Variants in DDX24 observed in about 807,000 individuals in gnomAD.
DDX24 encodes the protein DEAD-box helicase 24, also known as ATP-dependent RNA helicase DDX24.
DDX24 carries 24 observed loss-of-function variants against 68.9 expected under a neutral mutation model. The observed-to-expected ratio is 0.35, with a 90% CI of 0.25 to 0.49. The LOEUF is 0.49. Ranked by LOEUF, DDX24 falls within the 20% of genes least tolerant of loss-of-function variation. The pLI is 0.99. For missense variants in DDX24, 989 were observed against 1,039.0 expected, an observed-to-expected ratio of 0.95 and a Z score of 0.66; for synonymous variants, 395 against 385.2, an observed-to-expected ratio of 1.03 and a Z score of -0.30.
At chr14:94,052,493 G>C (rs1328714497) in intron 8 of DDX24, among the ~76,000 whole-genome samples, 1 of 152,230 alleles carries the variant, frequency 6.6e-6, no homozygotes, top group East Asian at 1.9e-4. Context: ...CAGCTTGGAA[G>C]GCAGGTGTAG....
At chr14:94,070,042 G>A (rs935131380) in intron 2 of DDX24, among the ~76,000 whole-genome samples, 1 of 151,972 alleles carries the variant, frequency 6.6e-6, no homozygotes, top group Non-Finnish European at 1.5e-5. Context: ...AAAAATAAAG[G>A]GCATCCAAAT....
At chr14:94,052,944 A>G (rs764666715) in intron 8 of DDX24, 54 bp downstream of exon 8, 47 of 1,567,420 alleles carry the variant, frequency 3.0e-5, no homozygotes, top group Non-Finnish European at 4.0e-5. Flanking sequence ...CAACAAAGCA[A>G]AAGTTAAAGA....
At chr14:94,076,901 C>G (rs1010967064) in intron 2 of DDX24, among the ~76,000 whole-genome samples, 4 of 152,124 alleles carry the variant, frequency 2.6e-5, no homozygotes, top group Admixed American at 2.0e-4. Context: ...TCCACCTCAG[C>G]CACCCTGAGA....
intron 2 of DDX24, among the ~76,000 whole-genome samples, chr14:94,065,193 C>T (rs1200059005): frequency 6.6e-6 from 1 of 152,030 alleles, no homozygotes; most frequent in Non-Finnish European, 1.5e-5. Flanking sequence ...GGACTACAGG[C>T]ATCTGCCACC....
At chr14:94,069,478 G>A (rs1045418458) in intron 2 of DDX24, among the ~76,000 whole-genome samples, 6 of 152,022 alleles carry the variant, frequency 3.9e-5, no homozygotes, top group African/African-American at 7.2e-5. Flanking sequence ...TCTACGAGAT[G>A]GAGAAAGAAG....
In DDX24 at chr14:94,049,894, C is replaced by CA. The variant is rs201491987; in HGVS notation, c.*1296dup. 327 of 133,500 alleles carry CA rather than the reference C, an allele frequency of 2.4e-3. 1 individual carries two copies. The highest frequency in any genetic ancestry group is 0.012 in the South Asian group (52 of 4,192). 8.3% of individuals were successfully genotyped at this position (133,500 alleles called of 1,614,324 possible). A position where few individuals can be genotyped will look rare whatever the true frequency, so the allele number is the denominator to read the frequency against. The stretch of plus-strand genomic sequence containing the variant: ...TGGGCAATGGAGCAAGACCCTGTCT[C>CA]AAAAAAAAAAGAAAATTATTTCTCA... On this transcript the variant is annotated 3_prime_UTR_variant, in exon 9 of 9. Transcript: ENST00000621632.
chr14:94,063,200 T>C (rs1885632472), intron 2 of DDX24, among the ~76,000 whole-genome samples: 1 of 152,042 alleles, frequency 6.6e-6, no homozygotes, highest in African/African-American at 2.4e-5. Flanking sequence ...GGAGAAACCA[T>C]TACCATACAT....
intron 5 of DDX24, among the ~76,000 whole-genome samples, chr14:94,058,553 T>A (rs558238121): frequency 6.6e-6 from 1 of 152,358 alleles, no homozygotes; most frequent in East Asian, 1.9e-4. Flanking sequence ...GACTTTGCAT[T>A]ACTCACTGCT....
At chr14:94,077,641 T>G (rs1002208595) in intron 2 of DDX24, among the ~76,000 whole-genome samples, 3 of 152,184 alleles carry the variant, frequency 2.0e-5, no homozygotes, top group African/African-American at 4.8e-5. Context: ...CTTAACACAG[T>G]GCATGACACA....
intron 2 of DDX24, among the ~76,000 whole-genome samples, chr14:94,071,718 G>A (rs1034872275): frequency 3.9e-5 from 6 of 152,094 alleles, no homozygotes; most frequent in African/African-American, 1.4e-4. Context: ...GGCCGAGATG[G>A]GCGGATCACC....
rs527973155 is a variant in DDX24 at position 94,067,058 on chromosome 14, A to G, written c.719-4437T>C. Among the ~76,000 whole-genome samples the G allele has an allele frequency of 1.5e-4, 23 of 152,348 alleles. 1 individual carries two copies. The highest frequency in any genetic ancestry group is 3.9e-4 in the East Asian group (2 of 5,188). The stretch of plus-strand genomic sequence containing the variant: ...AGCTAATCAGGGAGGGACCAGAGAA[A>G]GATAAAGTCTCAATGCAAGGAAATC... On this transcript the variant is annotated intron_variant, in intron 2 of 8. Coordinates refer to ENST00000621632, the MANE Select transcript of DDX24 (RefSeq NM_020414.4).
chr14:94,064,761 A>G (rs1413615953), intron 2 of DDX24, among the ~76,000 whole-genome samples: 4 of 152,222 alleles, frequency 2.6e-5, no homozygotes, highest in Non-Finnish European at 5.9e-5. Flanking sequence ...TGTTTCCCTG[A>G]ATTCTGTCAG....
rs1114 is a variant in DDX24, at chr14:94,048,804, G to A, written c.*2387C>T. On this transcript the variant is annotated 3_prime_UTR_variant, in exon 9 of 9. Transcript: ENST00000621632. ...ACCACCCTGAGCAGATACAGGAGTG[G>A]GGAGGGGGCTGTAACTCAGTGAGTG... The A allele has an allele frequency of 0.13, 19,328 of 152,272 alleles. 1,608 individuals are homozygous for A. The highest frequency in any genetic ancestry group is 0.24 in the African/African-American group (9,864 of 41,492). The allele number at this position is 152,272 out of a possible 1,614,324, so 9.4% of individuals were successfully genotyped here.
Position 94,062,499 on chromosome 14 carries a change from C to T in DDX24, c.841G>A (p.Ala281Thr), listed in dbSNP as rs1486975316. 6.2e-7 allele frequency: 1 copy of T among 1,614,154 alleles called. No homozygotes were observed. The highest frequency in any genetic ancestry group is 1.7e-5 in the Admixed American group (1 of 60,020). The change falls in exon 3 of 9, where the codon GCC (alanine) becomes ACC (threonine). Residue 281 changes from alanine to threonine, a missense_variant. Ala to Thr is a moderately conservative substitution (Grantham distance 58). Transcript: ENST00000621632. Reference protein sequence around the residue: ...EAPPGETRTEAGAETRSPGKA... With the variant: ...EAPPGETRTETGAETRSPGKA... ...CCTGGTGATCTAGTCTCAGCTCCGGCCTCAGTTCTGGTCTCTCCAGGTGGT... is the reference window on the plus strand; with the variant it reads ...CCTGGTGATCTAGTCTCAGCTCCGGTCTCAGTTCTGGTCTCTCCAGGTGGT...
chr14:94,062,337 C>T lies in DDX24; in HGVS notation c.1003G>A (p.Asp335Asn), dbSNP rs368602901. The T allele has an allele frequency of 1.7e-5, 27 of 1,614,234 alleles. No individual in the cohort carries two copies. Among genetic ancestry groups the T allele is most frequent in the African/African-American group, 9.3e-5 (7 of 75,058 alleles). The change falls in exon 3 of 9, where the codon GAT (aspartate) becomes AAT (asparagine). Residue 335 changes from aspartate (D) to asparagine (N), a missense_variant. By Grantham distance (23) the Asp-to-Asn change is conservative. Around this residue, in one of 3 missense-constraint regions of DDX24, gnomAD observed 691 missense variants for 760.0 expected, o/e 0.91. Transcript: ENST00000621632. ...GAAGAAGGCCCTTCACCAGCATCAT[C>T]GTCACCAAAGAGCAACGCCTGGTCT... ...VSDQALLFGD[D>N]DAGEGPSSLI...
Position 94,065,384 on chromosome 14 carries a change from G to GAC in DDX24, c.719-2765_719-2764dup, listed in dbSNP as rs58390384. Among the ~76,000 whole-genome samples, 999 of 147,262 alleles carry GAC rather than the reference G, an allele frequency of 6.8e-3. 8 individuals are homozygous for GAC. The highest frequency in any genetic ancestry group is 0.013 in the East Asian group (67 of 4,990). ...AGATCTTAATAGTATCTCTCTCTCTGACACACACACACACACACACAAATT... is the reference window on the plus strand; with the variant it reads ...AGATCTTAATAGTATCTCTCTCTCTGACACACACACACACACACACACAAATT... On this transcript the variant is annotated intron_variant, in intron 2 of 8. Transcript: ENST00000621632.
intron 2 of DDX24, among the ~76,000 whole-genome samples, chr14:94,065,862 C>T (rs904976470): frequency 6.6e-6 from 1 of 152,172 alleles, no homozygotes; most frequent in African/African-American, 2.4e-5. Flanking sequence ...CGCTGGGTCC[C>T]CAAGCAGCCC....
At position 94,052,981 on chromosome 14, in the gene DDX24, C is replaced by A. The variant is rs777283009; in HGVS notation, c.2308+17G>T. On this transcript the variant is annotated intron_variant, in intron 8 of 8. Transcript: ENST00000621632. ...AGATTTCAACTTCCTCAATTCCCAT[C>A]CCGCCCAAGGGCTTACCCTTATACA... The A allele has an allele frequency of 1.3e-6, 2 of 1,593,068 alleles. No homozygotes were observed. Among genetic ancestry groups the A allele is most frequent in the Non-Finnish European group, 1.7e-6 (2 of 1,167,730 alleles).
chr14:94,060,675 C>G (rs1885578309), intron 4 of DDX24, 62 bp from the exon 5 acceptor site: 2 of 1,563,082 alleles, frequency 1.3e-6, no homozygotes, highest in Non-Finnish European at 8.7e-7. Flanking sequence ...TCATCTATAG[C>G]ACACCCTACA....
Sources: allele counts gnomAD v4.1 joint callset (sites outside exome capture counted in the v4.1 genomes callset), GRCh38; gene constraint gnomAD v4.1.1; regional missense constraint gnomAD v4.1.1; transcripts MANE v1.5; gene names NCBI Gene and HGNC (gene_info 2026-07-23, HGNC 2026-07-21).